The following BTAF1 variants were observed in gnomAD, a reference collection of about 807,000 sequenced individuals.
BTAF1 encodes the protein TATA-binding protein-associated factor 172.
In BTAF1, 38 loss-of-function variants were observed where a neutral mutation model predicts 227.1. That is an observed-to-expected ratio of 0.17 (90% confidence interval 0.13 to 0.22). The LOEUF is 0.22. Among genes scored for constraint, BTAF1 ranks in the 10% least tolerant of loss-of-function variants. The pLI is 1.00. For missense variants in BTAF1, 1,598 were observed against 2,204.0 expected (o/e 0.73, Z 5.51); for synonymous variants, 742 against 751.9 (o/e 0.99, Z 0.21).
intron 1 of BTAF1, among the ~76,000 whole-genome samples, chr10:91,930,205 A>G (rs1216272459): frequency 6.6e-6 from 1 of 152,220 alleles, no homozygotes; most frequent in Non-Finnish European, 1.5e-5. Flanking sequence ...CTGCTGCTAA[A>G]GAACCTAGAT....
Position 91,994,658 on chromosome 10 carries a change from G to A in BTAF1, c.3309+14G>A, listed in dbSNP as rs1849016421. 1.3e-6 allele frequency: 2 copies of A among 1,582,200 alleles called. No homozygotes were observed. Among genetic ancestry groups the A allele is most frequent in the South Asian group, 1.1e-5 (1 of 89,992 alleles). Reference sequence around the variant, plus strand: ...CTTCATCCCTTGGTAACTAACTAATGCAAGTGTAATATTTCTTCAAATAAA... The same window carrying A: ...CTTCATCCCTTGGTAACTAACTAATACAAGTGTAATATTTCTTCAAATAAA... On this transcript the variant is annotated intron_variant, in intron 23 of 37. Transcript: ENST00000265990.
intron 29 of BTAF1, 54 bp from the exon 30 acceptor site, chr10:92,011,232 A>C: frequency 6.6e-7 from 1 of 1,514,678 alleles, no homozygotes; most frequent in East Asian, 2.3e-5. Flanking sequence ...GATTCTTCAT[A>C]TAGTTCCTGA....
intron 1 of BTAF1, among the ~76,000 whole-genome samples, chr10:91,930,967 C>CT (rs1191395211): frequency 6.6e-6 from 1 of 152,066 alleles, no homozygotes; most frequent in Admixed American, 6.5e-5. Context: ...ATCAGTGAGG[C>CT]TTTTTGCCCC....
At chr10:91,969,935 T>A (rs558153352) in intron 14 of BTAF1, among the ~76,000 whole-genome samples, 137 of 151,158 alleles carry the variant, frequency 9.1e-4, no homozygotes, top group Non-Finnish European at 1.7e-3. Context: ...CTGCCAAGCC[T>A]GGATAACAGA....
At chr10:91,926,872 T>C (rs967657856) in intron 1 of BTAF1, among the ~76,000 whole-genome samples, 1 of 152,216 alleles carries the variant, frequency 6.6e-6, no homozygotes, top group Non-Finnish European at 1.5e-5. Flanking sequence ...TTCTAATTAA[T>C]ACCTTTAGTT....
At chr10:92,002,276 T>C (rs549054394) in intron 25 of BTAF1, among the ~76,000 whole-genome samples, 1 of 152,198 alleles carries the variant, frequency 6.6e-6, no homozygotes, top group Non-Finnish European at 1.5e-5. Context: ...TAAGTCTTCA[T>C]AGAAAAAATC....
rs372049991 is a variant in BTAF1 at position 91,940,030 on chromosome 10, G to A, written c.217G>A (p.Val73Ile). The A allele has an allele frequency of 6.2e-7, 1 of 1,612,740 alleles. No individual in the cohort carries two copies. The stretch of plus-strand genomic sequence containing the variant: ...AGCTGTTGAAGCTATAGTGAAAAAT[G>A]TACCTGAGTGGAATCCAGTGCCGAG... Reference protein sequence around the residue: ...GQAVEAIVKNVPEWNPVPRTR... With the variant: ...GQAVEAIVKNIPEWNPVPRTR... Residue 73 changes from valine (V) to isoleucine (I), a missense_variant, in exon 3 of 38, where the codon GTA becomes ATA. By Grantham distance (29) the Val-to-Ile change is conservative. This residue lies in a region of BTAF1 where 298 missense variants were observed against 395.2 expected (regional missense o/e 0.75). Coordinates refer to ENST00000265990, the MANE Select transcript of BTAF1 (RefSeq NM_003972.3).
At chr10:92,008,327 G>A (rs778716452) in intron 26 of BTAF1, 52 bp downstream of exon 26, 360 of 1,459,312 alleles carry the variant, frequency 2.5e-4, no homozygotes, top group Non-Finnish European at 3.1e-4. Context: ...TTGAAGCGTT[G>A]TGGGTTTGTT....
chr10:91,924,199 T>G, intron 1 of BTAF1, 109 bp downstream of exon 1: 17 of 1,431,632 alleles, frequency 1.2e-5, no homozygotes, highest in Non-Finnish European at 1.5e-5. Flanking sequence ...CACTGGGCTC[T>G]GGAGCTTTCT....
chr10:92,018,967 T>G (rs1357458645), intron 34 of BTAF1, 32 bp downstream of exon 34: 1 of 1,438,546 alleles, frequency 7.0e-7, no homozygotes, highest in Admixed American at 2.6e-5. Flanking sequence ...TAAATGTGTG[T>G]TGTACCCCAG....
chr10:91,950,523 C>T lies in BTAF1; in HGVS notation c.401-880C>T, dbSNP rs540321743. 7.9e-5 allele frequency among the ~76,000 whole-genome samples: 12 copies of T among 152,096 alleles called. No homozygotes were observed. The South Asian group carries it at 2.5e-3, about 32-fold the overall frequency. ...GGTATAACTGTCTTTTACAGCTTAG[C>T]TGTTTTAAGGGCAAATTTTTATTTT... On this transcript the variant is annotated intron_variant, in intron 4 of 37. Coordinates refer to ENST00000265990, the MANE Select transcript of BTAF1 (RefSeq NM_003972.3).
chr10:92,013,603 G>A, intron 30 of BTAF1, 64 bp from the exon 31 acceptor site: 1 of 1,594,830 alleles, frequency 6.3e-7, no homozygotes, highest in Non-Finnish European at 8.6e-7. Context: ...TTTCATTAAT[G>A]TTACTTTTTT....
intron 19 of BTAF1, among the ~76,000 whole-genome samples, chr10:91,987,044 GTTC>G (rs1848442656): frequency 6.8e-6 from 1 of 147,960 alleles, no homozygotes; most frequent in African/African-American, 2.5e-5. Flanking sequence ...TCTTTCTTAC[GTTC>G]TTCTTTTAGG....
chr10:91,953,375 T>G (rs1422457096), intron 5 of BTAF1, among the ~76,000 whole-genome samples: 1 of 152,190 alleles, frequency 6.6e-6, no homozygotes, highest in Non-Finnish European at 1.5e-5. Flanking sequence ...ATGGTGATGA[T>G]CAGTTTCTTC....
At chr10:91,979,749 T>C (rs1323189203) in intron 14 of BTAF1, among the ~76,000 whole-genome samples, 1 of 152,130 alleles carries the variant, frequency 6.6e-6, no homozygotes, top group Non-Finnish European at 1.5e-5. Context: ...CATTAGATAT[T>C]TGGTGAAGCA....
Position 91,959,883 on chromosome 10 carries a change from A to G in BTAF1, c.1086+3A>G. ...TTGGAGACTTTGTTTCTGATGAAGT[A>G]AGTATCATTTAAGGGAGGCTTTGCC... On this transcript the variant is annotated splice_donor_region_variant and intron_variant, in intron 10 of 37. Coordinates refer to ENST00000265990, the MANE Select transcript of BTAF1 (RefSeq NM_003972.3). The G allele has an allele frequency of 6.2e-7, 1 of 1,605,250 alleles. No individual in the cohort carries two copies. The highest frequency in any genetic ancestry group is 8.5e-7 in the Non-Finnish European group (1 of 1,177,424).
In BTAF1 at chr10:91,958,454, C is replaced by T. The variant is rs534171737; in HGVS notation, c.901-611C>T. 2.6e-5 allele frequency among the ~76,000 whole-genome samples: 4 copies of T among 152,200 alleles called. No individual in the cohort carries two copies. The East Asian group carries it at 7.8e-4, about 30-fold the overall frequency. Reference sequence around the variant, plus strand: ...TGGTGGCTCATGCCTGTAATCCTAGCACTTTGGGAGGCTGAGGCGGACAGA... The same window carrying T: ...TGGTGGCTCATGCCTGTAATCCTAGTACTTTGGGAGGCTGAGGCGGACAGA... On this transcript the variant is annotated intron_variant, in intron 8 of 37. Transcript: ENST00000265990.
intron 17 of BTAF1, 51 bp downstream of exon 17, chr10:91,982,276 C>T: frequency 6.2e-7 from 1 of 1,611,378 alleles, no homozygotes. Flanking sequence ...GTCTGGCTTT[C>T]AAAGGTTATT....
chr10:91,938,154 T>C (rs902534168), intron 2 of BTAF1, among the ~76,000 whole-genome samples: 10 of 152,260 alleles, frequency 6.6e-5, no homozygotes, highest in African/African-American at 2.2e-4. Flanking sequence ...GTTATCATTT[T>C]ATTATGAGTT....
Sources: allele counts gnomAD v4.1 joint callset (sites outside exome capture counted in the v4.1 genomes callset), GRCh38; gene constraint gnomAD v4.1.1; regional missense constraint gnomAD v4.1.1; transcripts MANE v1.5; gene names NCBI Gene and HGNC (gene_info 2026-07-23, HGNC 2026-07-21).